ADAMTS12: variants seen among roughly 807,000 people sequenced by gnomAD.
ADAMTS12 encodes A disintegrin and metalloproteinase with thrombospondin motifs 12.
A neutral mutation model predicts 167.8 loss-of-function variants in ADAMTS12; 118 were observed. That is an observed-to-expected ratio of 0.70 (90% CI 0.61 to 0.82). The LOEUF (loss-of-function observed/expected upper bound fraction) is 0.82. Among genes scored for constraint, ADAMTS12 ranks in the 40% least tolerant of loss-of-function variants. ADAMTS12 has a pLI of 0.00. For missense variants in ADAMTS12, 1,916 were observed against 1,998.8 expected (o/e 0.96, Z 0.79); for synonymous variants, 704 against 716.9 (o/e 0.98, Z 0.29).
In ADAMTS12 at chr5:33,576,218, T is replaced by G; in HGVS notation, c.3808A>C (p.Lys1270Gln). 6.2e-7 allele frequency: 1 copy of G among 1,614,238 alleles called. No homozygotes were observed. Among genetic ancestry groups the G allele is most frequent in the Non-Finnish European group, 8.5e-7 (1 of 1,180,042 alleles). ...SGKTANRNHL[K>Q]LPNNMNQTKS... is the part of the protein sequence containing the mutation. ...GTTTGGTTCATGTTGTTTGGAAGTT[T>G]CAGGTGGTTACGGTTTGCCGTCTTT... The change falls in exon 19 of 24, where the codon AAA becomes CAA. Residue 1270 changes from lysine (K) to glutamine (Q), a missense_variant. Lys to Gln is a moderately conservative substitution (Grantham distance 53). Coordinates refer to ENST00000504830, the MANE Select transcript of ADAMTS12 (RefSeq NM_030955.4).
At chr5:33,803,413 A>G (rs1561280499) in intron 2 of ADAMTS12, among the ~76,000 whole-genome samples, 1 of 152,186 alleles carries the variant, frequency 6.6e-6, no homozygotes, top group Non-Finnish European at 1.5e-5. Flanking sequence ...ATTCAACTTC[A>G]CTGTTACATG....
rs190827145 is a variant in ADAMTS12, at chr5:33,650,071, A to G, written c.1191-374T>C. Reference sequence around the variant, plus strand: ...TGCAGCAACCACAGTGCACAGCACAAAAGAACAAAACCTTCCTTCTCCCTT... The same window carrying G: ...TGCAGCAACCACAGTGCACAGCACAGAAGAACAAAACCTTCCTTCTCCCTT... On this transcript the variant is annotated intron_variant, in intron 7 of 23. Transcript: ENST00000504830. 3.7e-3 allele frequency among the ~76,000 whole-genome samples: 567 copies of G among 152,350 alleles called. 5 individuals carry two copies. Among genetic ancestry groups the G allele is most frequent in the African/African-American group, 0.013 (555 of 41,596 alleles).
intron 7 of ADAMTS12, among the ~76,000 whole-genome samples, chr5:33,655,336 G>T (rs1220827790): frequency 6.6e-6 from 1 of 152,016 alleles, no homozygotes; most frequent in Admixed American, 6.6e-5. Context: ...CAACCTCTGG[G>T]AACAGCCTCT....
At chr5:33,889,170 G>A (rs7378990) in intron 1 of ADAMTS12, among the ~76,000 whole-genome samples, 1 of 151,966 alleles carries the variant, frequency 6.6e-6, no homozygotes, top group African/African-American at 2.4e-5. Context: ...AAATGGGGGC[G>A]AGGCATGATG....
intron 10 of ADAMTS12, among the ~76,000 whole-genome samples, chr5:33,642,883 C>G (rs1001108126): frequency 4.6e-5 from 7 of 152,134 alleles, no homozygotes; most frequent in African/African-American, 1.7e-4. Flanking sequence ...TAGAGGATAT[C>G]AAACCTCTCT....
chr5:33,549,498 G>A (rs1199185621), intron 20 of ADAMTS12, 115 bp from the exon 21 acceptor site: 2 of 1,277,666 alleles, frequency 1.6e-6, no homozygotes, highest in Non-Finnish European at 2.2e-6. Context: ...GTTAGGTCTA[G>A]TTCCGGTGAA....
At chr5:33,536,732 C>G (rs948711991) in intron 22 of ADAMTS12, among the ~76,000 whole-genome samples, 2 of 152,180 alleles carry the variant, frequency 1.3e-5, no homozygotes, top group African/African-American at 4.8e-5. Flanking sequence ...CAACCCAAGT[C>G]CACCCCCGAT....
intron 19 of ADAMTS12, among the ~76,000 whole-genome samples, chr5:33,567,789 G>T (rs1216939789): frequency 6.6e-6 from 1 of 152,068 alleles, no homozygotes; most frequent in Non-Finnish European, 1.5e-5. Flanking sequence ...TATACCCAAG[G>T]TCACCACATA....
rs180898362 is a variant in ADAMTS12 at position 33,879,198 on chromosome 5, A to G, written c.489+1921T>C. Among the ~76,000 whole-genome samples the G allele has an allele frequency of 3.4e-3, 522 of 152,276 alleles. 6 individuals are homozygous for G. Among genetic ancestry groups the G allele is most frequent in the African/African-American group, 0.012 (493 of 41,552 alleles). On this transcript the variant is annotated intron_variant, in intron 2 of 23. Transcript: ENST00000504830. Reference sequence around the variant, plus strand: ...TTATATCTCAGTAAAGCAGCTAAACACACACAGAGACATTTTTGCCCATTC... The same window carrying G: ...TTATATCTCAGTAAAGCAGCTAAACGCACACAGAGACATTTTTGCCCATTC...
chr5:33,818,618 A>G (rs1180834688), intron 2 of ADAMTS12, among the ~76,000 whole-genome samples: 2 of 151,914 alleles, frequency 1.3e-5, no homozygotes, highest in Non-Finnish European at 2.9e-5. Flanking sequence ...GTCACATGTT[A>G]GTTCTATTTT....
rs769213851 is a variant in ADAMTS12 at position 33,595,936 on chromosome 5, G to A, written c.2652C>T (p.Pro884=). 1.2e-6 allele frequency: 2 copies of A among 1,613,996 alleles called. No homozygotes were observed. Among genetic ancestry groups the A allele is most frequent in the South Asian group, 2.2e-5 (2 of 91,050 alleles). ...QKKCHEKACP[P]RWWAGEWEAC... is the part of the protein sequence containing the mutation. ...CTCCAGCTGTTAGCGATGGTTACCTGGGTGGACAAGCCTTTTCATGGCACT... is the reference window on the plus strand; with the variant it reads ...CTCCAGCTGTTAGCGATGGTTACCTAGGTGGACAAGCCTTTTCATGGCACT... The change falls in exon 17 of 24, where the codon CCC becomes CCT. Residue 884 remains proline (P), a splice_region_variant and synonymous_variant. Coordinates refer to ENST00000504830, the MANE Select transcript of ADAMTS12 (RefSeq NM_030955.4).
At chr5:33,569,419 C>A (rs1193828886) in intron 19 of ADAMTS12, among the ~76,000 whole-genome samples, 1 of 152,220 alleles carries the variant, frequency 6.6e-6, no homozygotes, top group African/African-American at 2.4e-5. Context: ...AACGATCAGA[C>A]AGCAGCATTC....
At chr5:33,550,400 C>T (rs1194029870) in intron 20 of ADAMTS12, among the ~76,000 whole-genome samples, 1 of 152,222 alleles carries the variant, frequency 6.6e-6, no homozygotes, top group Non-Finnish European at 1.5e-5. Flanking sequence ...CCTGGTGTCT[C>T]ATGGCCAGAC....
intron 10 of ADAMTS12, 96 bp from the exon 11 acceptor site, chr5:33,642,051 G>T: frequency 7.6e-7 from 1 of 1,308,326 alleles, no homozygotes; most frequent in Non-Finnish European, 1.0e-6. Flanking sequence ...TTCTCTGCAA[G>T]CAAGCCGGCT....
At chr5:33,587,116 A>G (rs574792113) in intron 18 of ADAMTS12, among the ~76,000 whole-genome samples, 1 of 151,922 alleles carries the variant, frequency 6.6e-6, no homozygotes, top group Admixed American at 6.6e-5. Flanking sequence ...ATAAACCTAA[A>G]CTGTGACATA....
intron 2 of ADAMTS12, among the ~76,000 whole-genome samples, chr5:33,753,138 G>A (rs1319734583): frequency 6.6e-6 from 1 of 152,218 alleles, no homozygotes; most frequent in Admixed American, 6.5e-5. Flanking sequence ...CTACCTCATA[G>A]GGCTGTTCGG....
Position 33,615,928 on chromosome 5 carries a change from C to T in ADAMTS12, c.2288G>A (p.Gly763Glu). Reference sequence around the variant, plus strand: ...GACAGTCCCTGCCAGCTTATAGTTCCCGTTCCACTGGATAATAAACCCTCC... The same window carrying T: ...GACAGTCCCTGCCAGCTTATAGTTCTCGTTCCACTGGATAATAAACCCTCC... ...LNGGFIIQWN[G>E]NYKLAGTVFQ... is the part of the protein sequence containing the mutation. Residue 763 changes from glycine (G) to glutamate (E), a missense_variant, in exon 15 of 24, where the codon GGG becomes GAG. Physicochemically the swap from Gly to Glu is moderately conservative, Grantham distance 98. Transcript: ENST00000504830. 2 of 1,614,170 alleles carry T rather than the reference C, an allele frequency of 1.2e-6. No individual in the cohort carries two copies. The highest frequency in any genetic ancestry group is 1.7e-6 in the Non-Finnish European group (2 of 1,180,012).
intron 2 of ADAMTS12, among the ~76,000 whole-genome samples, chr5:33,879,980 C>T (rs932194310): frequency 8.5e-5 from 13 of 152,194 alleles, no homozygotes; most frequent in Non-Finnish European, 1.5e-5. Context: ...AAAACACGGA[C>T]TCCTCCATAA....
At chr5:33,706,155 T>A (rs905516099) in intron 3 of ADAMTS12, among the ~76,000 whole-genome samples, 2 of 152,144 alleles carry the variant, frequency 1.3e-5, no homozygotes, top group Non-Finnish European at 2.9e-5. Flanking sequence ...TCTTTTTGCA[T>A]GCTGTTTGTT....
Sources: gnomAD v4.1 joint callset for allele counts (sites outside exome capture counted in the v4.1 genomes callset) on GRCh38, gnomAD v4.1.1 for gene constraint, MANE v1.5 for transcripts, NCBI Gene and HGNC (gene_info 2026-07-23, HGNC 2026-07-21) for gene names.